The following PHACTR4 variants were observed in gnomAD, a reference collection of about 807,000 sequenced individuals.
The protein encoded by PHACTR4 is phosphatase and actin regulator 4, also known as protein phosphatase 1, regulatory subunit 124.
A neutral mutation model predicts 72.7 loss-of-function variants in PHACTR4; 51 were observed. The ratio of observed to expected loss-of-function variants is 0.70; its 90% CI spans 0.56 to 0.89. The LOEUF is 0.89. Ranked by LOEUF, PHACTR4 falls within the 40% of genes least tolerant of loss-of-function variation. The pLI is 0.00. For missense variants in PHACTR4, 731 were observed against 861.8 expected (o/e 0.85, Z 1.90); for synonymous variants, 255 against 302.5 (o/e 0.84, Z 1.63).
chr1:28,495,328 G>C (rs995124139), intron 13 of PHACTR4, among the ~76,000 whole-genome samples: 3 of 151,700 alleles, frequency 2.0e-5, no homozygotes, highest in Admixed American at 6.6e-5. Context: ...GGCTGGTCTT[G>C]AATTCCTGGC....
intron 2 of PHACTR4, among the ~76,000 whole-genome samples, chr1:28,445,036 A>G (rs1657348807): frequency 6.6e-6 from 1 of 150,678 alleles, no homozygotes; most frequent in African/African-American, 2.4e-5. Flanking sequence ...GCTCACTGCA[A>G]CCTCCACCTC....
intron 8 of PHACTR4, among the ~76,000 whole-genome samples, chr1:28,479,242 G>A (rs2124519115): frequency 1.3e-5 from 2 of 151,780 alleles, no homozygotes; most frequent in South Asian, 4.2e-4. Context: ...CCAATGTGGT[G>A]AAACCCCATC....
chr1:28,465,949 A>G, intron 5 of PHACTR4, 100 bp downstream of exon 5: 4 of 1,209,610 alleles, frequency 3.3e-6, no homozygotes, highest in Non-Finnish European at 4.6e-6. Context: ...ATCTAGAGAG[A>G]ATTACATTCT....
At chr1:28,495,624 TTTTA>T (rs1166102124) in intron 13 of PHACTR4, among the ~76,000 whole-genome samples, 3 of 135,782 alleles carry the variant, frequency 2.2e-5, no homozygotes, top group African/African-American at 2.7e-5. Context: ...TTTTTTTTTT[TTTTA>T]TTTTTTGAGA....
intron 2 of PHACTR4, 67 bp from the exon 3 acceptor site, chr1:28,459,018 G>T: frequency 1.4e-6 from 2 of 1,413,956 alleles, no homozygotes; most frequent in South Asian, 1.4e-5. Context: ...AGAGGGGAAG[G>T]GACATTTTAG....
chr1:28,497,159 T>C lies in PHACTR4; in HGVS notation c.*610T>C, dbSNP rs12139517. 39,601 of 152,158 alleles carry C rather than the reference T, an allele frequency of 0.26. 5,301 individuals carry two copies. The highest frequency in any genetic ancestry group is 0.34 in the Middle Eastern group (101 of 294). 9.4% of individuals were successfully genotyped at this position (152,158 alleles called of 1,614,324 possible). The stretch of plus-strand genomic sequence containing the variant: ...CTGAGAGGAAGCTCAGGATCTGACA[T>C]GTTCTTCCTTTTCCTCACAAGTCAT... On this transcript the variant is annotated 3_prime_UTR_variant, in exon 14 of 14. Coordinates refer to ENST00000373839, the MANE Select transcript of PHACTR4 (RefSeq NM_001048183.3).
chr1:28,490,359 G>A (rs563349223), intron 10 of PHACTR4, among the ~76,000 whole-genome samples: 49 of 151,774 alleles, frequency 3.2e-4, no homozygotes, highest in African/African-American at 1.1e-3. Context: ...GTGAAACCCC[G>A]TCTCTACTAA....
chr1:28,411,372 C>A (rs187849597), intron 2 of PHACTR4, among the ~76,000 whole-genome samples: 79 of 152,270 alleles, frequency 5.2e-4, no homozygotes, highest in African/African-American at 1.8e-3. Flanking sequence ...TTATTTAAAT[C>A]TTGGAATTTG....
At position 28,497,991 on chromosome 1, in the gene PHACTR4, G is replaced by A. The variant is rs1175092961; in HGVS notation, c.*1442G>A. The A allele has an allele frequency of 8.7e-5, 12 of 138,528 alleles. No individual in the cohort carries two copies. The highest frequency in any genetic ancestry group is 4.3e-4 in the South Asian group (2 of 4,628). 8.6% of individuals were successfully genotyped at this position (138,528 alleles called of 1,614,324 possible). On this transcript the variant is annotated 3_prime_UTR_variant, in exon 14 of 14. Transcript: ENST00000373839. ...AGCCTGGGTGACAGAGCGAGACTCCGTCTCAAAAAAAAAAAAAAAGCCTTA... is the reference window on the plus strand; with the variant it reads ...AGCCTGGGTGACAGAGCGAGACTCCATCTCAAAAAAAAAAAAAAAGCCTTA...
chr1:28,391,780 T>C (rs1653065432), intron 1 of PHACTR4, among the ~76,000 whole-genome samples: 1 of 151,836 alleles, frequency 6.6e-6, no homozygotes, highest in Admixed American at 6.6e-5. Context: ...TAATTTTTTG[T>C]ATTTTTAGTA....
intron 1 of PHACTR4, among the ~76,000 whole-genome samples, chr1:28,384,517 C>T (rs1652421015): frequency 6.6e-6 from 1 of 152,076 alleles, no homozygotes; most frequent in Admixed American, 6.6e-5. Context: ...AGCCCCTTTT[C>T]ATTTCTGATT....
chr1:28,434,364 C>G (rs1656492829), intron 2 of PHACTR4, among the ~76,000 whole-genome samples: 1 of 151,764 alleles, frequency 6.6e-6, no homozygotes. Context: ...TCTTGTCACC[C>G]CGGCTGGAAT....
chr1:28,453,842 C>A, intron 2 of PHACTR4: 1 of 887,748 alleles, frequency 1.1e-6, no homozygotes. Flanking sequence ...GCTTTTGAAG[C>A]TGTGGACAAA....
chr1:28,439,088 C>T (rs144222390), intron 2 of PHACTR4, among the ~76,000 whole-genome samples: 2 of 152,196 alleles, frequency 1.3e-5, no homozygotes, highest in Non-Finnish European at 2.9e-5. Flanking sequence ...GCTCATTTTC[C>T]TAATCTTGTA....
At chr1:28,495,030 A>C (rs1661262378) in intron 13 of PHACTR4, among the ~76,000 whole-genome samples, 1 of 152,244 alleles carries the variant, frequency 6.6e-6, no homozygotes, top group African/African-American at 2.4e-5. Flanking sequence ...AAGACATTTC[A>C]AGCATAGAAT....
intron 9 of PHACTR4, among the ~76,000 whole-genome samples, chr1:28,486,771 A>G (rs182372876): frequency 6.6e-6 from 1 of 152,118 alleles, no homozygotes; most frequent in African/African-American, 2.4e-5. Flanking sequence ...AGGCAGGGCA[A>G]TCACTTGAAC....
At chr1:28,475,562 CT>C (rs1659865037) in intron 7 of PHACTR4, among the ~76,000 whole-genome samples, 1 of 152,088 alleles carries the variant, frequency 6.6e-6, no homozygotes, top group South Asian at 2.1e-4. Flanking sequence ...TAGACAAATT[CT>C]GGAAAGCACC....
At chr1:28,487,109 G>A (rs1660701215) in intron 9 of PHACTR4, among the ~76,000 whole-genome samples, 1 of 152,108 alleles carries the variant, frequency 6.6e-6, no homozygotes, top group African/African-American at 2.4e-5. Context: ...GCTCACGCCT[G>A]TAATCCCAGC....
intron 2 of PHACTR4, among the ~76,000 whole-genome samples, chr1:28,413,758 T>G (rs1390327172): frequency 6.6e-6 from 1 of 152,164 alleles, no homozygotes; most frequent in Non-Finnish European, 1.5e-5. Context: ...TTGATTTGGT[T>G]TCTTTTATGT....
Sources: allele counts gnomAD v4.1 joint callset (sites outside exome capture counted in the v4.1 genomes callset), GRCh38; gene constraint gnomAD v4.1.1; transcripts MANE v1.5; gene names NCBI Gene and HGNC (gene_info 2026-07-23, HGNC 2026-07-21).